The following DNAAF5 variants were observed in gnomAD, a reference collection of about 807,000 sequenced individuals.
DNAAF5 encodes dynein axonemal assembly factor 5.
In DNAAF5, 64 loss-of-function variants were observed where a neutral mutation model predicts 75.8. That is an observed-to-expected ratio of 0.84 (90% CI 0.69 to 1.04). The LOEUF (loss-of-function observed/expected upper bound fraction) is 1.04, where lower values mean the gene tolerates loss of function less well. DNAAF5 is among the 50% of genes least tolerant of loss of function. The pLI is 0.00. For missense variants in DNAAF5, 1,269 were observed against 1,178.5 expected, an observed-to-expected ratio of 1.08 and a Z score of -1.12; for synonymous variants, 657 against 557.2, an observed-to-expected ratio of 1.18 and a Z score of -2.52.
intron 2 of DNAAF5, among the ~76,000 whole-genome samples, chr7:731,618 G>T (rs907182784): frequency 6.6e-5 from 10 of 152,196 alleles, no homozygotes; most frequent in African/African-American, 2.2e-4. Context: ...GCCCGGGACG[G>T]CTTTGAATGC....
At chr7:735,102 C>T (rs1393233445) in intron 2 of DNAAF5, among the ~76,000 whole-genome samples, 2 of 142,182 alleles carry the variant, frequency 1.4e-5, no homozygotes, top group Non-Finnish European at 3.0e-5. Flanking sequence ...TCATGGTGTT[C>T]TTCATGGTGT....
chr7:766,404 A>G (rs999785461), intron 8 of DNAAF5, among the ~76,000 whole-genome samples: 1 of 152,230 alleles, frequency 6.6e-6, no homozygotes, highest in Non-Finnish European at 1.5e-5. Flanking sequence ...CTCATTTACA[A>G]AAGTTCTATG....
At chr7:761,624 T>C (rs1782646978) in intron 6 of DNAAF5, 129 bp from the exon 7 acceptor site, 2 of 914,772 alleles carry the variant, frequency 2.2e-6, no homozygotes, top group South Asian at 3.5e-5. Flanking sequence ...ACCCCCATGA[T>C]TCAGTTCCCT....
intron 1 of DNAAF5, among the ~76,000 whole-genome samples, chr7:728,938 A>G (rs527606038): frequency 6.6e-6 from 1 of 151,116 alleles, no homozygotes; most frequent in South Asian, 2.1e-4. Flanking sequence ...ACGGGCCCCA[A>G]GTAGTGCAGA....
At position 774,163 on chromosome 7, in the gene DNAAF5, G is replaced by C; in HGVS notation, c.2047G>C (p.Ala683Pro). The C allele has an allele frequency of 1.3e-5, 21 of 1,611,832 alleles. No individual in the cohort carries two copies. The highest frequency in any genetic ancestry group is 1.7e-5 in the Non-Finnish European group (20 of 1,179,878). ...CACGGCTGCCGTGTCCTGCCTCTGG[G>C]CGCTCACCAGCAGCGAGGTCCTGTC... ...IRTAAVSCLW[A>P]LTSSEVLSAE... is the part of the protein sequence containing the mutation. The change falls in exon 10 of 13, where the codon GCG (alanine) becomes CCG (proline). Residue 683 changes from alanine (A) to proline (P), a missense_variant. Ala to Pro is a conservative substitution (Grantham distance 27). Coordinates refer to ENST00000297440, the MANE Select transcript of DNAAF5 (RefSeq NM_017802.4).
At chr7:768,319 G>A (rs927827358) in intron 8 of DNAAF5, among the ~76,000 whole-genome samples, 1 of 150,876 alleles carries the variant, frequency 6.6e-6, no homozygotes, top group Non-Finnish European at 1.5e-5. Flanking sequence ...GCTGCGAGCA[G>A]GAGCTCTCGC....
chr7:779,975 C>G lies in DNAAF5; in HGVS notation c.2262C>G (p.Asp754Glu). The change falls in exon 12 of 13, where the codon GAC becomes GAG. Residue 754 changes from aspartate to glutamate, a missense_variant. Transcript: ENST00000297440. ...IYPELLKRLD[D>E]VSNDVRMAAA... The stretch of plus-strand genomic sequence containing the variant: ...CAGAACTCTTAAAACGCCTAGATGA[C>G]GTGTCCAACGATGTGAGGATGGCAG... 6.2e-7 allele frequency: 1 copy of G among 1,614,132 alleles called. No individual in the cohort carries two copies.
intron 11 of DNAAF5, 156 bp from the exon 12 acceptor site, chr7:779,797 T>A (rs1361173792): frequency 7.8e-6 from 5 of 644,126 alleles, no homozygotes; most frequent in Non-Finnish European, 1.1e-5. Context: ...GCACCTTGCA[T>A]GTGGCTCGGG....
At chr7:748,823 C>T (rs537058490) in intron 4 of DNAAF5, among the ~76,000 whole-genome samples, 19 of 152,304 alleles carry the variant, frequency 1.2e-4, no homozygotes, top group East Asian at 5.8e-4. Flanking sequence ...CCAGCAAGAA[C>T]GGACAGTCCA....
chr7:769,216 GT>G, intron 8 of DNAAF5: 7 of 769,662 alleles, frequency 9.1e-6, no homozygotes, highest in Non-Finnish European at 1.5e-5. Flanking sequence ...GTGACTCACA[GT>G]TGCTTGGATA....
chr7:770,505 G>A lies in DNAAF5; in HGVS notation c.1818G>A (p.Val606=), dbSNP rs772202211. 1 of 1,613,750 alleles carries A rather than the reference G, an allele frequency of 6.2e-7. No homozygotes were observed. Among genetic ancestry groups the A allele is most frequent in the South Asian group, 1.1e-5 (1 of 91,068 alleles). The change falls in exon 9 of 13, where the codon GTG becomes GTA. Residue 606 remains valine, a synonymous_variant. Transcript: ENST00000297440. ...PALGEALPHV[V]PTLRACLQPS... Reference sequence around the variant, plus strand: ...TGGGAGAAGCCCTGCCACACGTCGTGCCCACGCTGAGGGCCTGTCTGCAGC... The same window carrying A: ...TGGGAGAAGCCCTGCCACACGTCGTACCCACGCTGAGGGCCTGTCTGCAGC...
intron 2 of DNAAF5, among the ~76,000 whole-genome samples, chr7:730,526 G>A (rs916335280): frequency 2.0e-5 from 3 of 152,220 alleles, no homozygotes; most frequent in Non-Finnish European, 4.4e-5. Context: ...GCCTTGAAGA[G>A]GTAGGTTTCC....
rs1782649081 is a variant in DNAAF5, at chr7:761,701, G to C, written c.1471-52G>C. ...TACAGTTCAAGATGGGATTCGGGTG[G>C]GGACACGACCAAATTGTACCAAGCT... On this transcript the variant is annotated intron_variant, in intron 6 of 12. Transcript: ENST00000297440. 30 of 1,540,814 alleles carry C rather than the reference G, an allele frequency of 1.9e-5. 1 individual carries two copies.
intron 12 of DNAAF5, among the ~76,000 whole-genome samples, chr7:782,053 C>G (rs1032935273): frequency 1.3e-5 from 2 of 152,282 alleles, no homozygotes; most frequent in South Asian, 2.1e-4. Context: ...AGACCTTCCC[C>G]GCGCAGCTGC....
At chr7:745,596 C>T (rs200858213) in intron 4 of DNAAF5, among the ~76,000 whole-genome samples, 9 of 152,190 alleles carry the variant, frequency 5.9e-5, no homozygotes, top group Admixed American at 3.3e-4. Context: ...CATCTGCACA[C>T]GTATACACAT....
chr7:764,170 G>C (rs1005922499), intron 8 of DNAAF5, among the ~76,000 whole-genome samples, 196 bp downstream of exon 8: 1 of 152,250 alleles, frequency 6.6e-6, no homozygotes, highest in Non-Finnish European at 1.5e-5. Context: ...AAGACTGTGG[G>C]ACGCAGCTCT....
chr7:776,975 T>C (rs903434577), intron 11 of DNAAF5, among the ~76,000 whole-genome samples: 5 of 152,202 alleles, frequency 3.3e-5, no homozygotes, highest in African/African-American at 9.6e-5. Flanking sequence ...CAAATCCTAT[T>C]GTGAACTGTG....
intron 12 of DNAAF5, among the ~76,000 whole-genome samples, chr7:782,645 CCGT>C (rs1779005414): frequency 6.9e-6 from 1 of 144,000 alleles, no homozygotes; most frequent in African/African-American, 2.7e-5. Context: ...TGGCCGCCTC[CCGT>C]CACGCAGCGT....
intron 4 of DNAAF5, among the ~76,000 whole-genome samples, chr7:747,659 T>G (rs1782166491): frequency 6.8e-6 from 1 of 147,264 alleles, no homozygotes; most frequent in Non-Finnish European, 1.5e-5. Context: ...GTTGGTGGGG[T>G]TTGCTGGTTT....
Sources: gnomAD v4.1 joint callset for allele counts (sites outside exome capture counted in the v4.1 genomes callset) on GRCh38, gnomAD v4.1.1 for gene constraint, MANE v1.5 for transcripts, NCBI Gene and HGNC (gene_info 2026-07-23, HGNC 2026-07-21) for gene names.